The following RYR2 variants were observed in gnomAD, a reference collection of about 807,000 sequenced individuals.
RYR2 encodes ryanodine receptor 2, also known as cardiac muscle ryanodine receptor-calcium release channel.
In RYR2, 227 loss-of-function variants were observed where a neutral mutation model predicts 601.1. That is an observed-to-expected ratio of 0.38 (90% CI 0.34 to 0.42). RYR2 has a LOEUF of 0.42. Ranked by LOEUF, RYR2 falls within the 10% of genes least tolerant of loss-of-function variation. The probability of loss-of-function intolerance (pLI) is 1.00; values close to 1 mark genes in which losing one functional copy is unlikely to be tolerated. For synonymous variants in RYR2, 2,223 were observed against 2,175.1 expected (o/e 1.02, Z -0.61); for missense variants, 4,646 against 6,156.5 (o/e 0.75, Z 8.21).
At chr1:237,284,035 T>A (rs1396588114) in intron 2 of RYR2, among the ~76,000 whole-genome samples, 1 of 152,192 alleles carries the variant, frequency 6.6e-6, no homozygotes, top group Admixed American at 6.5e-5. Flanking sequence ...CACATATCAG[T>A]GAGGACATAC....
intron 12 of RYR2, among the ~76,000 whole-genome samples, chr1:237,433,052 A>G (rs1186477319): frequency 6.6e-6 from 1 of 151,906 alleles, no homozygotes; most frequent in Non-Finnish European, 1.5e-5. Flanking sequence ...GGTATCTTAA[A>G]GAAAAGAACA....
chr1:237,521,245 A>G (rs1667055479), intron 24 of RYR2, among the ~76,000 whole-genome samples: 2 of 152,156 alleles, frequency 1.3e-5, no homozygotes, highest in African/African-American at 4.8e-5. Context: ...CAAAGGCACA[A>G]CAAAAAAGAA....
chr1:237,635,406 T>C (rs1680773950), intron 44 of RYR2, among the ~76,000 whole-genome samples: 1 of 152,180 alleles, frequency 6.6e-6, no homozygotes, highest in Non-Finnish European at 1.5e-5. Context: ...AATCATACAC[T>C]TCAGTTTTTA....
At chr1:237,059,914 G>A (rs371894832) in intron 1 of RYR2, among the ~76,000 whole-genome samples, 1 of 152,152 alleles carries the variant, frequency 6.6e-6, no homozygotes, top group South Asian at 2.1e-4. Flanking sequence ...TCAGGTGTCT[G>A]TAGGGTGCTG....
At chr1:237,629,852 A>G (rs1680067967) in intron 41 of RYR2, among the ~76,000 whole-genome samples, 1 of 152,152 alleles carries the variant, frequency 6.6e-6, no homozygotes, top group African/African-American at 2.4e-5. Flanking sequence ...ATAAAAATGG[A>G]TGAAAGGTTC....
chr1:237,515,848 C>T (rs1334388068), intron 24 of RYR2, among the ~76,000 whole-genome samples: 1 of 109,606 alleles, frequency 9.1e-6, no homozygotes, highest in Non-Finnish European at 1.9e-5. Flanking sequence ...CTCCTCCTCC[C>T]TCTTCTTCTC....
chr1:237,333,594 T>C (rs1696960554), intron 3 of RYR2: 2 of 455,926 alleles, frequency 4.4e-6, no homozygotes, highest in East Asian at 1.4e-4. Flanking sequence ...TTAACCATTT[T>C]ATTCATAAGG....
chr1:237,193,728 G>A (rs1216455311), intron 1 of RYR2, among the ~76,000 whole-genome samples: 1 of 152,126 alleles, frequency 6.6e-6, no homozygotes, highest in Non-Finnish European at 1.5e-5. Flanking sequence ...GAAACGAGTT[G>A]CATATTTCCA....
Position 237,258,672 on chromosome 1 carries a change from G to T in RYR2, c.49-11825G>T, listed in dbSNP as rs188473425. On this transcript the variant is annotated intron_variant, in intron 1 of 104. Coordinates refer to ENST00000366574, the MANE Select transcript of RYR2 (RefSeq NM_001035.3). ...AAGTTTTTATTTTTGCTGCTTCTTA[G>T]TTGGCAGGAACTAAAAGTCCAGGTC... Among the ~76,000 whole-genome samples the T allele has an allele frequency of 2.0e-5, 3 of 152,208 alleles. No homozygotes were observed. In the East Asian group the frequency reaches 5.8e-4, roughly 29 times the overall value.
Position 237,717,298 on chromosome 1 carries a change from C to T in RYR2, c.10424C>T (p.Pro3475Leu). The T allele has an allele frequency of 6.2e-7, 1 of 1,613,176 alleles. No individual in the cohort carries two copies. Among genetic ancestry groups the T allele is most frequent in the Non-Finnish European group, 8.5e-7 (1 of 1,179,370 alleles). The change falls in exon 72 of 105, where the codon CCC becomes CTC. Residue 3475 changes from proline to leucine, a missense_variant. Coordinates refer to ENST00000366574, the MANE Select transcript of RYR2 (RefSeq NM_001035.3). ...LIVAALKRLL[P>L]IGLNICAPGD... ...GTAGCAGCTCTGAAGCGGTTACTGC[C>T]CATTGGGTTGAACATCTGTGCCCCT... is the stretch of plus-strand genomic sequence containing the variant.
chr1:237,443,201 CT>C (rs1198211026), intron 13 of RYR2, among the ~76,000 whole-genome samples: 1 of 151,394 alleles, frequency 6.6e-6, no homozygotes, highest in Admixed American at 6.6e-5. Context: ...AGTTTTCATG[CT>C]TTTTTTTTCT....
intron 17 of RYR2, among the ~76,000 whole-genome samples, chr1:237,475,651 T>C (rs1196973964): frequency 1.3e-5 from 2 of 152,166 alleles, no homozygotes; most frequent in Non-Finnish European, 2.9e-5. Context: ...TGTAACTGTA[T>C]AGATTTGTGG....
intron 10 of RYR2, among the ~76,000 whole-genome samples, chr1:237,409,228 C>T (rs185657836): frequency 4.6e-5 from 7 of 152,142 alleles, no homozygotes; most frequent in Admixed American, 1.3e-4. Flanking sequence ...AGAGAACATT[C>T]TTGATTTGGT....
intron 3 of RYR2, among the ~76,000 whole-genome samples, chr1:237,349,297 T>C (rs938827429): frequency 1.3e-5 from 2 of 152,166 alleles, no homozygotes; most frequent in African/African-American, 4.8e-5. Context: ...AGGCATGATA[T>C]CTTTAATGTT....
chr1:237,462,542 C>A (rs1234385000), intron 16 of RYR2, among the ~76,000 whole-genome samples: 1 of 152,124 alleles, frequency 6.6e-6, no homozygotes, highest in Admixed American at 6.5e-5. Flanking sequence ...TGAGAAATGG[C>A]CGCTGGGCAA....
At chr1:237,681,896 G>A (rs534438661) in intron 62 of RYR2, among the ~76,000 whole-genome samples, 9 of 152,312 alleles carry the variant, frequency 5.9e-5, no homozygotes, top group Admixed American at 2.6e-4. Flanking sequence ...TTGAGGACAC[G>A]TTGAAGTCTC....
intron 58 of RYR2, among the ~76,000 whole-genome samples, chr1:237,673,230 A>T (rs1024872974): frequency 6.6e-6 from 1 of 152,178 alleles, no homozygotes. Context: ...CGAATGTTAG[A>T]TGTGAGGCAT....
chr1:237,732,127 C>T lies in RYR2; in HGVS notation c.11017C>T (p.Arg3673Trp), dbSNP rs796052205. ...ACATCAGCTGATCCTTCTGTTTAGT[C>T]GGACAGCTTTAACAGAGAAATGGTA... Reference protein sequence around the residue: ...PLHQLILLFSRTALTEKCKLE... With the variant: ...PLHQLILLFSWTALTEKCKLE... The change falls in exon 78 of 105, where the codon CGG becomes TGG. Residue 3673 changes from arginine (R) to tryptophan (W), a missense_variant. By Grantham distance (101) the Arg-to-Trp change is moderately radical. Coordinates refer to ENST00000366574, the MANE Select transcript of RYR2 (RefSeq NM_001035.3). 2.5e-6 allele frequency: 4 copies of T among 1,608,466 alleles called. No individual in the cohort carries two copies. Among genetic ancestry groups the T allele is most frequent in the South Asian group, 1.1e-5 (1 of 90,652 alleles).
At chr1:237,071,076 G>A (rs1453301765) in intron 1 of RYR2, among the ~76,000 whole-genome samples, 1 of 152,202 alleles carries the variant, frequency 6.6e-6, no homozygotes, top group Non-Finnish European at 1.5e-5. Context: ...GGAAGAATGA[G>A]GTATGCAGAT....
Sources: gnomAD v4.1 joint callset for allele counts (sites outside exome capture counted in the v4.1 genomes callset) on GRCh38, gnomAD v4.1.1 for gene constraint, MANE v1.5 for transcripts, NCBI Gene and HGNC (gene_info 2026-07-23, HGNC 2026-07-21) for gene names.